CYLC1: variants seen among roughly 807,000 people sequenced by gnomAD.
CYLC1 encodes the protein cylicin 1.
CYLC1 carries 2 observed loss-of-function variants against 31.6 expected under a neutral mutation model. That is an observed-to-expected ratio of 0.06 (90% CI 0.03 to 0.20). The LOEUF is 0.20. Ranked by LOEUF, CYLC1 falls within the 10% of genes least tolerant of loss-of-function variation. The pLI is 1.00. For synonymous variants in CYLC1, 185 were observed against 153.0 expected (o/e 1.21, Z -1.54); for missense variants, 595 against 424.1 (o/e 1.40, Z -3.54).
At chrX:83,886,041 C>T (rs2031978768) in intron 4 of CYLC1, among the ~76,000 whole-genome samples, 1 of 110,796 alleles carries the variant, frequency 9.0e-6, no homozygotes, top group Non-Finnish European at 1.9e-5. Context: ...AAACAGAAAT[C>T]TTCATTTTTG....
At chrX:83,877,928 A>T (rs1214863922) in intron 4 of CYLC1, among the ~76,000 whole-genome samples, 1 of 58,338 alleles carries the variant, frequency 1.7e-5, no homozygotes, top group South Asian at 9.4e-4. Context: ...ATATATATAA[A>T]TATAAATATA....
At chrX:83,884,279 G>T (rs887147695) in intron 4 of CYLC1, among the ~76,000 whole-genome samples, 2 of 111,339 alleles carry the variant, frequency 1.8e-5, no homozygotes, top group Non-Finnish European at 3.8e-5. Context: ...ACATTGTTTG[G>T]TTTTTTCCTT....
chrX:83,869,838 A>C, intron 1 of CYLC1, 27 bp from the exon 2 acceptor site: 1 of 743,936 alleles, frequency 1.3e-6, no homozygotes, highest in Non-Finnish European at 1.8e-6. Context: ...ATACAAATTT[A>C]ATTAAAGCAT....
rs773261999 is a variant in CYLC1 at position 83,886,607 on chromosome X, C to T, written c.*23C>T. The T allele has an allele frequency of 2.5e-6, 3 of 1,182,633 alleles. No homozygotes were observed. The Admixed American group carries it at 6.6e-5, about 26-fold the overall frequency. The stretch of plus-strand genomic sequence containing the variant: ...TAAAGAACAACTGAGCACTTGGTTT[C>T]ACAGAATGGCCTTACCACAGTAAGC... On this transcript the variant is annotated 3_prime_UTR_variant, in exon 5 of 5. Coordinates refer to ENST00000329312, the MANE Select transcript of CYLC1 (RefSeq NM_021118.3).
At chrX:83,878,422 A>T (rs867324210) in intron 4 of CYLC1, among the ~76,000 whole-genome samples, 64 of 3,653 alleles carry the variant, frequency 0.018, no homozygotes, top group Admixed American at 0.023. Context: ...AATATATATA[A>T]ATATATATAT....
chrX:83,871,887 G>A (rs764297525), intron 3 of CYLC1, among the ~76,000 whole-genome samples: 4 of 110,941 alleles, frequency 3.6e-5, no homozygotes, highest in Non-Finnish European at 7.6e-5. Context: ...TCTTGATGAG[G>A]TTTCAAGGCC....
chrX:83,879,988 A>C, intron 4 of CYLC1, among the ~76,000 whole-genome samples: 1 of 112,060 alleles, frequency 8.9e-6, no homozygotes, highest in Middle Eastern at 4.6e-3. Flanking sequence ...TTGTTTAAAT[A>C]TCTTTTGAAT....
chrX:83,885,647 C>A (rs979913729), intron 4 of CYLC1, among the ~76,000 whole-genome samples: 4 of 108,606 alleles, frequency 3.7e-5, no homozygotes, highest in African/African-American at 1.0e-4. Flanking sequence ...TTCCTCTGGG[C>A]CTATATGGGA....
At chrX:83,876,238 A>G (rs1023810764) in intron 4 of CYLC1, among the ~76,000 whole-genome samples, 3 of 110,228 alleles carry the variant, frequency 2.7e-5, no homozygotes, top group Non-Finnish European at 3.8e-5. Context: ...CTGCTTTGAG[A>G]CTCAAAGTTG....
intron 1 of CYLC1, among the ~76,000 whole-genome samples, chrX:83,868,996 G>A (rs1304940949): frequency 9.1e-6 from 1 of 109,943 alleles, no homozygotes; most frequent in Non-Finnish European, 1.9e-5. Flanking sequence ...TTGTATTACT[G>A]AGCCTTTCAC....
At chrX:83,867,737 G>A (rs939315621) in intron 1 of CYLC1, among the ~76,000 whole-genome samples, 1 of 110,958 alleles carries the variant, frequency 9.0e-6, no homozygotes, top group African/African-American at 3.3e-5. Context: ...TAATTTTGGT[G>A]ATTACATTTT....
chrX:83,861,932 T>C (rs1202123355), intron 1 of CYLC1, among the ~76,000 whole-genome samples: 1 of 111,118 alleles, frequency 9.0e-6, no homozygotes, highest in Non-Finnish European at 1.9e-5. Context: ...TACAACCTAA[T>C]AAAAAACACT....
At chrX:83,884,571 C>T (rs1286385638) in intron 4 of CYLC1, among the ~76,000 whole-genome samples, 1 of 110,916 alleles carries the variant, frequency 9.0e-6, no homozygotes, top group African/African-American at 3.3e-5. Flanking sequence ...CAAATAACCA[C>T]TAAAGAACTT....
chrX:83,873,019 A>G lies in CYLC1; in HGVS notation c.311A>G (p.Tyr104Cys), dbSNP rs755542659. The G allele has an allele frequency of 9.1e-6, 11 of 1,203,249 alleles. No individual in the cohort carries two copies. In the African/African-American group the frequency reaches 1.1e-4, roughly 12 times the overall value. ...GAACAGACTCCATTCAGACATCTTTATACTTCCAAAACCCATCTTAAAAAA... is the reference window on the plus strand; with the variant it reads ...GAACAGACTCCATTCAGACATCTTTGTACTTCCAAAACCCATCTTAAAAAA... ...AREQTPFRHLYTSKTHLKKAE... is the reference protein window; with the variant it reads ...AREQTPFRHLCTSKTHLKKAE... The change falls in exon 4 of 5, where the codon TAT becomes TGT. Residue 104 changes from tyrosine (Y) to cysteine (C), a missense_variant. Physicochemically the swap from Tyr to Cys is radical, Grantham distance 194. Transcript: ENST00000329312.
chrX:83,878,402 AATATATATAAATATATATAAAT>A (rs1569335993), intron 4 of CYLC1, among the ~76,000 whole-genome samples: 403 of 13,563 alleles, frequency 0.03, 26 homozygotes, highest in Non-Finnish European at 0.043. Context: ...AATATATATA[AATATATATAAATATATATAAAT>A]ATATATATAA....
In CYLC1 at chrX:83,873,445, A is replaced by G; in HGVS notation, c.737A>G (p.Asp246Gly). ...TGCTCAGAAAATAGTTTAAATGTTG[A>G]TTTCCTCATGTTAGTGGGACAGTCT... ...EICSENSLNV[D>G]FLMLVGQSDD... The change falls in exon 4 of 5, where the codon GAT (aspartate) becomes GGT (glycine). Residue 246 changes from aspartate (D) to glycine (G), a missense_variant. By Grantham distance (94) the Asp-to-Gly change is moderately conservative. Coordinates refer to ENST00000329312, the MANE Select transcript of CYLC1 (RefSeq NM_021118.3). 1 of 1,202,247 alleles carries G rather than the reference A, an allele frequency of 8.3e-7. No individual in the cohort carries two copies. The highest frequency in any genetic ancestry group is 1.1e-6 in the Non-Finnish European group (1 of 890,856).
At chrX:83,870,733 G>C (rs746207227) in intron 2 of CYLC1, among the ~76,000 whole-genome samples, 1 of 111,122 alleles carries the variant, frequency 9.0e-6, no homozygotes, top group Non-Finnish European at 1.9e-5. Flanking sequence ...TCTAAATATA[G>C]TAACCGTATC....
rs759286065 is a variant in CYLC1 at position 83,871,541 on chromosome X, A to C, written c.148A>C (p.Arg50=). The change falls in exon 3 of 5, where the codon AGA becomes CGA. Residue 50 remains arginine (R), a synonymous_variant. Transcript: ENST00000329312. The stretch of plus-strand genomic sequence containing the variant: ...CCAGAGAGGTACAAATGATAAATCA[A>C]GACCTTTGAAATCACAAATAACAGT... ...PLQRGTNDKS[R]PLKSQITVTR... The C allele has an allele frequency of 4.2e-6, 5 of 1,194,215 alleles. No individual in the cohort carries two copies. The highest frequency in any genetic ancestry group is 5.6e-6 in the Non-Finnish European group (5 of 887,984).
At chrX:83,862,188 A>G (rs995207500) in intron 1 of CYLC1, among the ~76,000 whole-genome samples, 5 of 111,093 alleles carry the variant, frequency 4.5e-5, no homozygotes, top group Admixed American at 9.6e-5. Context: ...ATTTTTTTCT[A>G]TTAGTGTGTA....
Sources: allele counts gnomAD v4.1 joint callset (sites outside exome capture counted in the v4.1 genomes callset), GRCh38; gene constraint gnomAD v4.1.1; transcripts MANE v1.5; gene names NCBI Gene and HGNC (gene_info 2026-07-23, HGNC 2026-07-21).